Variants in SMC1B observed in about 807,000 individuals in gnomAD.
The protein encoded by SMC1B is structural maintenance of chromosomes protein 1B.
Under a neutral mutation model 157.9 loss-of-function variants are expected in SMC1B, and 60 were observed. The observed-to-expected ratio is 0.38, with a 90% confidence interval of 0.31 to 0.47. The LOEUF is 0.47. SMC1B is among the 20% of genes least tolerant of loss of function. SMC1B has a pLI of 0.99. For synonymous variants in SMC1B, 445 were observed against 483.0 expected, an observed-to-expected ratio of 0.92 and a Z score of 1.03; for missense variants, 1,165 against 1,426.2, an observed-to-expected ratio of 0.82 and a Z score of 2.95.
At chr22:45,406,323 T>C (rs950530465) in intron 4 of SMC1B, 137 bp downstream of exon 4, 1 of 677,490 alleles carries the variant, frequency 1.5e-6, no homozygotes. Flanking sequence ...AAAAAGTTTA[T>C]CTTAATGAAT....
Position 45,408,769 on chromosome 22 carries a change from A to G in SMC1B, c.239T>C (p.Val80Ala). The change falls in exon 2 of 25, where the codon GTA becomes GCA. Residue 80 changes from valine (V) to alanine (A), a missense_variant. Coordinates refer to ENST00000357450, the MANE Select transcript of SMC1B (RefSeq NM_148674.5). ...ACTTTCCTCCACATATATAATTTTT[A>G]CACTTGCAGAAGAAGAAATAGGTTT... ...IGKPISSSAS[V>A]KIIYVEESGE... is the part of the protein sequence containing the mutation. 1 of 1,599,236 alleles carries G rather than the reference A, an allele frequency of 6.3e-7. No individual in the cohort carries two copies. The highest frequency in any genetic ancestry group is 8.5e-7 in the Non-Finnish European group (1 of 1,174,782).
Position 45,406,872 on chromosome 22 carries a change from T to TA in SMC1B, c.299-8dup, listed in dbSNP as rs748550331. The TA allele has an allele frequency of 4.5e-6, 7 of 1,540,130 alleles. No homozygotes were observed. In the African/African-American group the frequency reaches 5.6e-5, roughly 12 times the overall value. Reference sequence around the variant, plus strand: ...CGAAATTCTGAGCATCCCCCTAAAATAAAAAAATAAACCCTGTTAAAAAAT... The same window carrying TA: ...CGAAATTCTGAGCATCCCCCTAAAATAAAAAAAATAAACCCTGTTAAAAAAT... On this transcript the variant is annotated splice_region_variant and splice_polypyrimidine_tract_variant and intron_variant, in intron 2 of 24. Coordinates refer to ENST00000357450, the MANE Select transcript of SMC1B (RefSeq NM_148674.5).
At chr22:45,372,624 T>C (rs532462667) in intron 12 of SMC1B, among the ~76,000 whole-genome samples, 3 of 152,198 alleles carry the variant, frequency 2.0e-5, no homozygotes, top group Admixed American at 1.3e-4. Context: ...CTTTCTGTTT[T>C]GGCTTGCCTC....
intron 22 of SMC1B, among the ~76,000 whole-genome samples, chr22:45,351,431 C>T (rs1162735155): frequency 6.6e-6 from 1 of 152,198 alleles, no homozygotes; most frequent in Non-Finnish European, 1.5e-5. Context: ...TTTTCTTTTC[C>T]TGTGGCGGCC....
At chr22:45,358,823 G>A in intron 18 of SMC1B, 28 bp from the exon 19 acceptor site, 1 of 1,535,074 alleles carries the variant, frequency 6.5e-7, no homozygotes, top group Non-Finnish European at 9.0e-7. Flanking sequence ...ACATACATTT[G>A]TTGATTAAGT....
At chr22:45,391,471 A>C (rs2087058345) in intron 9 of SMC1B, among the ~76,000 whole-genome samples, 1 of 152,152 alleles carries the variant, frequency 6.6e-6, no homozygotes, top group African/African-American at 2.4e-5. Flanking sequence ...TAAATGTTTT[A>C]AAATAGTTTC....
chr22:45,394,663 A>T (rs62231144), intron 8 of SMC1B, 22 bp downstream of exon 8: 19 of 1,505,060 alleles, frequency 1.3e-5, no homozygotes, highest in East Asian at 2.4e-5. Context: ...TTGCTGCAAG[A>T]AATTTTTTTT....
chr22:45,349,088 C>T lies in SMC1B; in HGVS notation c.3495+640G>A, dbSNP rs370684930. Among the ~76,000 whole-genome samples the T allele has an allele frequency of 2.0e-5, 3 of 149,266 alleles. No homozygotes were observed. The Admixed American group carries it at 2.0e-4, about 10-fold the overall frequency. On this transcript the variant is annotated intron_variant, in intron 23 of 24. Coordinates refer to ENST00000357450, the MANE Select transcript of SMC1B (RefSeq NM_148674.5). Reference sequence around the variant, plus strand: ...GGAGTGCAGTGGCACAAACTCAGCTCACTGCAAACTCCACCTCCTGGGTTC... The same window carrying T: ...GGAGTGCAGTGGCACAAACTCAGCTTACTGCAAACTCCACCTCCTGGGTTC...
chr22:45,396,195 A>T, intron 7 of SMC1B, 151 bp downstream of exon 7: 1 of 649,582 alleles, frequency 1.5e-6, no homozygotes, highest in Non-Finnish European at 2.4e-6. Context: ...TATGGCTATT[A>T]TATTTGTATC....
chr22:45,401,140 T>A (rs1337886077), intron 5 of SMC1B, among the ~76,000 whole-genome samples: 1 of 152,248 alleles, frequency 6.6e-6, no homozygotes, highest in African/African-American at 2.4e-5. Flanking sequence ...TTATTAATTC[T>A]GACAATGTAT....
intron 10 of SMC1B, among the ~76,000 whole-genome samples, chr22:45,388,986 C>CAAAAAAA (rs371475132): frequency 1.1e-4 from 6 of 54,354 alleles, no homozygotes; most frequent in Admixed American, 2.7e-4. Flanking sequence ...GACTCTGCCT[C>CAAAAAAA]AAAAAAAAAA....
rs769196168 is a variant in SMC1B at position 45,354,153 on chromosome 22, T to A, written c.3119-21A>T. 8 of 1,516,458 alleles carry A rather than the reference T, an allele frequency of 5.3e-6. No homozygotes were observed. The Admixed American group carries it at 2.0e-4, about 39-fold the overall frequency. 93.9% of individuals were successfully genotyped at this position (1,516,458 alleles called of 1,614,324 possible). ...AAAAGCTAAGAGAGAATCAATGTTCTTTATTTTAGAGACCACTGAGGAGGT... is the reference window on the plus strand; with the variant it reads ...AAAAGCTAAGAGAGAATCAATGTTCATTATTTTAGAGACCACTGAGGAGGT... On this transcript the variant is annotated intron_variant, in intron 20 of 24. Coordinates refer to ENST00000357450, the MANE Select transcript of SMC1B (RefSeq NM_148674.5).
Position 45,358,583 on chromosome 22 carries a change from T to C in SMC1B, c.2961+114A>G, listed in dbSNP as rs2086690952. On this transcript the variant is annotated intron_variant, in intron 19 of 24. Coordinates refer to ENST00000357450, the MANE Select transcript of SMC1B (RefSeq NM_148674.5). ...CCTTTGTATATTTCTTCCAAAACCA[T>C]TAGGAAATCTTTTAAAAAAAAACAA... 3 of 638,452 alleles carry C rather than the reference T, an allele frequency of 4.7e-6. No individual in the cohort carries two copies. The East Asian group carries it at 8.6e-5, about 18-fold the overall frequency. 39.5% of individuals were successfully genotyped at this position (638,452 alleles called of 1,614,324 possible).
At position 45,395,309 on chromosome 22, in the gene SMC1B, G is replaced by T. The variant is rs1408269285; in HGVS notation, c.1255-542C>A. Among the ~76,000 whole-genome samples, 4 of 152,216 alleles carry T rather than the reference G, an allele frequency of 2.6e-5. No individual in the cohort carries two copies. In the East Asian group the frequency reaches 7.7e-4, roughly 29 times the overall value. ...TGGATGAGGATTTCGGGAAAGTTTT[G>T]TTCTATTCACTTTATCATTAAATCC... On this transcript the variant is annotated intron_variant, in intron 7 of 24. Coordinates refer to ENST00000357450, the MANE Select transcript of SMC1B (RefSeq NM_148674.5).
At chr22:45,408,051 G>A (rs2087284239) in intron 2 of SMC1B, among the ~76,000 whole-genome samples, 1 of 152,136 alleles carries the variant, frequency 6.6e-6, no homozygotes, top group Non-Finnish European at 1.5e-5. Flanking sequence ...TCATCACTAA[G>A]AAAAACTGAT....
chr22:45,413,428 G>C lies in SMC1B; in HGVS notation c.109+31C>G, dbSNP rs559056520. On this transcript the variant is annotated intron_variant, in intron 1 of 24. Coordinates refer to ENST00000357450, the MANE Select transcript of SMC1B (RefSeq NM_148674.5). ...CCTGGACGCCTGGGACGGCGGAGGC[G>C]CTCCGGTGGCGCCCTGAGCTGCTCA... The C allele has an allele frequency of 2.7e-5, 42 of 1,535,262 alleles. No homozygotes were observed. The Middle Eastern group carries it at 5.4e-4, about 20-fold the overall frequency.
intron 1 of SMC1B, among the ~76,000 whole-genome samples, chr22:45,411,076 T>A (rs370668238): frequency 6.6e-6 from 1 of 152,202 alleles, no homozygotes; most frequent in Non-Finnish European, 1.5e-5. Flanking sequence ...AATAAATACT[T>A]CTCATCCAAA....
intron 23 of SMC1B, among the ~76,000 whole-genome samples, chr22:45,349,014 G>A (rs985342015): frequency 8.3e-5 from 11 of 131,886 alleles, no homozygotes; most frequent in African/African-American, 3.3e-4. Flanking sequence ...TACAAGGACT[G>A]ATTTTTTTTT....
chr22:45,346,943 T>C (rs1382467686), intron 23 of SMC1B, among the ~76,000 whole-genome samples: 1 of 152,240 alleles, frequency 6.6e-6, no homozygotes, highest in Non-Finnish European at 1.5e-5. Context: ...GGATGGGTAC[T>C]AGTAGGAGTC....
Sources: allele counts gnomAD v4.1 joint callset (sites outside exome capture counted in the v4.1 genomes callset), GRCh38; gene constraint gnomAD v4.1.1; transcripts MANE v1.5; gene names NCBI Gene and HGNC (gene_info 2026-07-23, HGNC 2026-07-21).